FMNL1: variants seen among roughly 807,000 people sequenced by gnomAD.
FMNL1 encodes the protein formin-like protein 1.
In FMNL1, 43 loss-of-function variants were observed where a neutral mutation model predicts 121.3. The ratio of observed to expected loss-of-function variants is 0.35; its 90% CI spans 0.28 to 0.46. FMNL1 has a LOEUF of 0.46. FMNL1 is among the 20% of genes least tolerant of loss of function. The pLI, the probability that FMNL1 is intolerant of heterozygous loss-of-function variation, is 1.00. For missense variants in FMNL1, 1,191 were observed against 1,482.4 expected (o/e 0.80, Z 3.23); for synonymous variants, 613 against 613.5 (o/e 1.00, Z 0.01).
intron 1 of FMNL1, among the ~76,000 whole-genome samples, chr17:45,228,322 G>A (rs1464723852): frequency 6.6e-6 from 1 of 152,176 alleles, no homozygotes; most frequent in African/African-American, 2.4e-5. Context: ...AGGCCCAGGT[G>A]GGGAAGGGGC....
At chr17:45,232,607 G>A (rs1240754926) in intron 3 of FMNL1, 127 bp downstream of exon 3, 1 of 826,362 alleles carries the variant, frequency 1.2e-6, no homozygotes, top group Non-Finnish European at 2.0e-6. Flanking sequence ...GTGTGTGTGT[G>A]TTTGTGTGTC....
At chr17:45,235,648 A>T (rs1175110146) in intron 6 of FMNL1, among the ~76,000 whole-genome samples, 2 of 152,240 alleles carry the variant, frequency 1.3e-5, no homozygotes, top group Non-Finnish European at 2.9e-5. Context: ...CACTGTTCTA[A>T]GCCTATTCCA....
chr17:45,242,068 C>T lies in FMNL1; in HGVS notation c.1807C>T (p.Pro603Ser). Reference sequence around the variant, plus strand: ...TCCGGGCACTGACGGGCCGGTGCCTCCGCCGCCGCCGCCGCCGCCGCCGCC... The same window carrying T: ...TCCGGGCACTGACGGGCCGGTGCCTTCGCCGCCGCCGCCGCCGCCGCCGCC... ...PPPGTDGPVP[P>S]PPPPPPPPPG... Residue 603 changes from proline (P) to serine (S), a missense_variant, in exon 15 of 27, where the codon CCG (proline) becomes TCG (serine). Physicochemically the swap from Pro to Ser is moderately conservative, Grantham distance 74 (BLOSUM62 -1). Around this residue, in one of 4 missense-constraint regions of FMNL1, gnomAD observed 519 missense variants for 492.8 expected, o/e 1.05. Transcript: ENST00000331495. The T allele has an allele frequency of 1.1e-6, 1 of 944,914 alleles. No individual in the cohort carries two copies. Among genetic ancestry groups the T allele is most frequent in the East Asian group, 4.8e-5 (1 of 20,838 alleles). The allele number at this position is 944,914 out of a possible 1,614,324, so 58.5% of individuals were successfully genotyped here.
In FMNL1 at chr17:45,242,096, C is replaced by T. The variant is rs1465666959; in HGVS notation, c.1835C>T (p.Pro612Leu). 4.0e-6 allele frequency: 6 copies of T among 1,515,802 alleles called. No homozygotes were observed. The highest frequency in any genetic ancestry group is 1.7e-4 in the Middle Eastern group (1 of 5,854). 93.9% of individuals were successfully genotyped at this position (1,515,802 alleles called of 1,614,324 possible). A position where few individuals can be genotyped will look rare whatever the true frequency, so the allele number is the denominator to read the frequency against. The change falls in exon 15 of 27, where the codon CCC becomes CTC. Residue 612 changes from proline (P) to leucine (L), a missense_variant. Pro to Leu is a moderately conservative substitution (Grantham distance 98). Around this residue, in one of 4 missense-constraint regions of FMNL1, gnomAD observed 519 missense variants for 492.8 expected, o/e 1.05. Coordinates refer to ENST00000331495, the MANE Select transcript of FMNL1 (RefSeq NM_005892.4). The stretch of plus-strand genomic sequence containing the variant: ...CCGCCGCCGCCGCCGCCGCCGCCTC[C>T]CGGAGGTCCTCCTGATGCCCTAGGA... ...PPPPPPPPPP[P>L]GGPPDALGRR...
chr17:45,229,968 G>T (rs1332876757), intron 1 of FMNL1, among the ~76,000 whole-genome samples: 3 of 152,180 alleles, frequency 2.0e-5, no homozygotes, highest in South Asian at 4.1e-4. Context: ...TGACATGGCC[G>T]CCCTCAGCTC....
At chr17:45,236,620 C>G (rs1337203282) in intron 7 of FMNL1, 1 of 169,204 alleles carries the variant, frequency 5.9e-6, no homozygotes, top group Admixed American at 6.2e-5. Context: ...TTTAAGCCAG[C>G]TTCACGGTTT....
intron 10 of FMNL1, 66 bp downstream of exon 10, chr17:45,238,704 G>T (rs1345517609): frequency 5.6e-6 from 9 of 1,595,326 alleles, no homozygotes; most frequent in African/African-American, 1.3e-5. Context: ...GAGCAGCTAG[G>T]GTCCTGGGTG....
At position 45,243,814 on chromosome 17, in the gene FMNL1, T is replaced by C; in HGVS notation, c.2237T>C (p.Leu746Pro). 2 of 1,612,342 alleles carry C rather than the reference T, an allele frequency of 1.2e-6. No homozygotes were observed. Among genetic ancestry groups the C allele is most frequent in the South Asian group, 1.1e-5 (1 of 91,070 alleles). The part of the protein sequence containing the change: ...IEAYDLQALG[L>P]DFLELLMRFL... The stretch of plus-strand genomic sequence containing the variant: ...AGGTACGACCTGCAGGCTCTGGGCC[T>C]GGACTTCCTGGAGCTGCTGATGCGC... The change falls in exon 18 of 27, where the codon CTG (leucine) becomes CCG (proline). Residue 746 changes from leucine to proline, a missense_variant. Physicochemically the swap from Leu to Pro is moderately conservative, Grantham distance 98. Around this residue, in one of 4 missense-constraint regions of FMNL1, gnomAD observed 367 missense variants for 528.6 expected, o/e 0.69. Coordinates refer to ENST00000331495, the MANE Select transcript of FMNL1 (RefSeq NM_005892.4).
At chr17:45,235,771 A>G (rs1404075428) in intron 6 of FMNL1, among the ~76,000 whole-genome samples, 1 of 152,208 alleles carries the variant, frequency 6.6e-6, no homozygotes. Context: ...GTGAGCTGGG[A>G]TGCGCCTGAA....
rs769370872 is a variant in FMNL1, at chr17:45,241,422, G to A, written c.1373G>A (p.Arg458His). The A allele has an allele frequency of 1.9e-6, 3 of 1,561,750 alleles. No homozygotes were observed. The highest frequency in any genetic ancestry group is 1.9e-5 in the Admixed American group (1 of 52,070). ...TCGACCGCCATGGGGCCCTCCAGGCGTCCCCCAGAGCCTGAGAAAGCGCCT... is the reference window on the plus strand; with the variant it reads ...TCGACCGCCATGGGGCCCTCCAGGCATCCCCCAGAGCCTGAGAAAGCGCCT... ...SESTAMGPSR[R>H]PPEPEKAPPA... The change falls in exon 14 of 27, where the codon CGT becomes CAT. Residue 458 changes from arginine (R) to histidine (H), a missense_variant. This residue lies in a region of FMNL1 where 519 missense variants were observed against 492.8 expected (regional missense o/e 1.05). Coordinates refer to ENST00000331495, the MANE Select transcript of FMNL1 (RefSeq NM_005892.4). The surrounding 1 kb of genome is among the most constrained non-coding windows in gnomAD (Gnocchi z 7.0).
At chr17:45,225,031 C>T (rs978339902) in intron 1 of FMNL1, among the ~76,000 whole-genome samples, 1 of 152,248 alleles carries the variant, frequency 6.6e-6, no homozygotes, top group African/African-American at 2.4e-5. Flanking sequence ...GCCACACTTA[C>T]ACCTGGGCCT....
At chr17:45,232,950 ACT>A (rs749239163) in intron 3 of FMNL1, 16 of 585,462 alleles carry the variant, frequency 2.7e-5, no homozygotes, top group Middle Eastern at 2.6e-4. Context: ...GCGCACACAC[ACT>A]CTGCCTCTTT....
intron 7 of FMNL1, 71 bp downstream of exon 7, chr17:45,236,315 C>T (rs1428308847): frequency 7.5e-6 from 10 of 1,325,750 alleles, no homozygotes; most frequent in East Asian, 2.4e-5. Flanking sequence ...CACAAGCTGC[C>T]GAGGCTCTGG....
rs2043687145 is a variant in FMNL1 at position 45,241,349 on chromosome 17, G to C, written c.1333-33G>C. The stretch of plus-strand genomic sequence containing the variant: ...GAGGCTTGGTGCCAAGGAGCCTGCT[G>C]GTGGGCACTGACCCCTCCCGTGGGG... On this transcript the variant is annotated intron_variant, in intron 13 of 26. Coordinates refer to ENST00000331495, the MANE Select transcript of FMNL1 (RefSeq NM_005892.4). This position sits in a 1 kb window ranked among gnomAD's most constrained non-coding sequence, Gnocchi z 7.0. 2 of 1,583,108 alleles carry C rather than the reference G, an allele frequency of 1.3e-6. No homozygotes were observed. The highest frequency in any genetic ancestry group is 2.7e-5 in the African/African-American group (2 of 73,912).
In FMNL1 at chr17:45,241,282, G is replaced by A; in HGVS notation, c.1332+52G>A. ...GGCGCCCAAGAACAGGCCAGCTGAG[G>A]CTTCTAGGCTTGACATCTCCCTCCA... is the stretch of plus-strand genomic sequence containing the variant. On this transcript the variant is annotated intron_variant, in intron 13 of 26. Coordinates refer to ENST00000331495, the MANE Select transcript of FMNL1 (RefSeq NM_005892.4). The surrounding 1 kb of genome is among the most constrained non-coding windows in gnomAD (Gnocchi z 7.0). 1 of 1,611,808 alleles carries A rather than the reference G, an allele frequency of 6.2e-7. No individual in the cohort carries two copies.
chr17:45,243,870 A>T lies in FMNL1; in HGVS notation c.2293A>T (p.Ile765Phe), dbSNP rs1216976473. 1 of 1,613,970 alleles carries T rather than the reference A, an allele frequency of 6.2e-7. No individual in the cohort carries two copies. The highest frequency in any genetic ancestry group is 1.7e-5 in the Admixed American group (1 of 60,028). The change falls in exon 18 of 27, where the codon ATC becomes TTC. Residue 765 changes from isoleucine (I) to phenylalanine (F), a missense_variant. By Grantham distance (21) the Ile-to-Phe change is conservative (BLOSUM62 0). Around this residue, in one of 4 missense-constraint regions of FMNL1, gnomAD observed 367 missense variants for 528.6 expected, o/e 0.69. Coordinates refer to ENST00000331495, the MANE Select transcript of FMNL1 (RefSeq NM_005892.4). The part of the protein sequence containing the change: ...FLPTEYERSL[I>F]TRFEREQRPM... ...GCCCACAGAGTATGAGCGCAGCCTC[A>T]TCACCCGCTTTGAGCGGGAGCAGCG... is the stretch of plus-strand genomic sequence containing the variant.
Position 45,224,141 on chromosome 17 carries a change from G to A in FMNL1, c.129+1888G>A, listed in dbSNP as rs1033919385. On this transcript the variant is annotated intron_variant, in intron 1 of 26. Coordinates refer to ENST00000331495, the MANE Select transcript of FMNL1 (RefSeq NM_005892.4). ...ACCAGGTGCCCAGGAACCCCAGTGTGTTTATACCTTCTTCCCGGGGTGGCT... is the reference window on the plus strand; with the variant it reads ...ACCAGGTGCCCAGGAACCCCAGTGTATTTATACCTTCTTCCCGGGGTGGCT... Among the ~76,000 whole-genome samples the A allele has an allele frequency of 1.1e-4, 17 of 152,130 alleles. 1 individual carries two copies. Among genetic ancestry groups the A allele is most frequent in the Admixed American group, 6.5e-5 (1 of 15,278 alleles).
chr17:45,234,248 C>G (rs777529271), intron 6 of FMNL1, 48 bp downstream of exon 6: 1 of 1,613,090 alleles, frequency 6.2e-7, no homozygotes, highest in South Asian at 1.1e-5. Context: ...GAATTCAGCC[C>G]CCACACTGCT....
intron 1 of FMNL1, among the ~76,000 whole-genome samples, chr17:45,229,320 A>G (rs1284137127): frequency 6.6e-6 from 1 of 152,218 alleles, no homozygotes; most frequent in Non-Finnish European, 1.5e-5. Context: ...GACCCAAGGC[A>G]GTGATTTTGG....
Sources: gnomAD v4.1 joint callset for allele counts (sites outside exome capture counted in the v4.1 genomes callset) on GRCh38, gnomAD v4.1.1 for gene constraint, gnomAD v4.1.1 regional missense constraint, Gnocchi (gnomAD v3.1) non-coding constraint, MANE v1.5 for transcripts, NCBI Gene and HGNC (gene_info 2026-07-23, HGNC 2026-07-21) for gene names.